COP1: variants seen among roughly 807,000 people sequenced by gnomAD.
COP1 encodes the protein E3 ubiquitin-protein ligase COP1.
A neutral mutation model predicts 101.3 loss-of-function variants in COP1; 24 were observed. The ratio of observed to expected loss-of-function variants is 0.24; its 90% CI spans 0.17 to 0.33. COP1 has a LOEUF of 0.33. COP1 is among the 10% of genes least tolerant of loss of function. The pLI is 1.00. For missense variants in COP1, 663 were observed against 906.2 expected (o/e 0.73, Z 3.45); for synonymous variants, 347 against 341.9 (o/e 1.01, Z -0.17).
chr1:176,043,841 T>C (rs1292607002), intron 12 of COP1, 23 bp from the exon 13 acceptor site: 2 of 1,282,670 alleles, frequency 1.6e-6, no homozygotes, highest in Non-Finnish European at 1.1e-6. Context: ...CAGTTAAAAG[T>C]TACTTTACAT....
At chr1:176,204,035 T>A (rs1700574199) in intron 1 of COP1, among the ~76,000 whole-genome samples, 1 of 152,176 alleles carries the variant, frequency 6.6e-6, no homozygotes, top group Non-Finnish European at 1.5e-5. Context: ...ATGAAACAGC[T>A]GCTTCTCCTC....
At chr1:175,961,361 G>A (rs1651319247) in intron 18 of COP1, among the ~76,000 whole-genome samples, 1 of 152,170 alleles carries the variant, frequency 6.6e-6, no homozygotes, top group Non-Finnish European at 1.5e-5. Flanking sequence ...TTATACAGTA[G>A]TGACTTTGGC....
At chr1:176,132,024 C>G (rs991143434) in intron 8 of COP1, among the ~76,000 whole-genome samples, 1 of 151,348 alleles carries the variant, frequency 6.6e-6, no homozygotes, top group African/African-American at 2.4e-5. Context: ...GTATGTTTTA[C>G]GAGATCTGCT....
At chr1:176,006,489 G>A (rs533438740) in intron 15 of COP1, among the ~76,000 whole-genome samples, 2 of 152,312 alleles carry the variant, frequency 1.3e-5, no homozygotes, top group East Asian at 3.9e-4. Context: ...GCTGGTATGG[G>A]TTGTTCCTTT....
chr1:175,976,388 C>T (rs895271575), intron 18 of COP1, among the ~76,000 whole-genome samples: 5 of 146,118 alleles, frequency 3.4e-5, no homozygotes, highest in Admixed American at 1.4e-4. Context: ...AGTGATTCTC[C>T]TGCCTCAGCC....
At chr1:176,199,233 C>G (rs972364496) in intron 1 of COP1, among the ~76,000 whole-genome samples, 2 of 152,152 alleles carry the variant, frequency 1.3e-5, no homozygotes, top group African/African-American at 4.8e-5. Context: ...AGGAGAATTG[C>G]TTGAACCCAG....
At chr1:175,975,371 C>T (rs903687241) in intron 18 of COP1, among the ~76,000 whole-genome samples, 1 of 152,104 alleles carries the variant, frequency 6.6e-6, no homozygotes. Context: ...AAGCCAGAAC[C>T]CACAACCATC....
intron 11 of COP1, among the ~76,000 whole-genome samples, chr1:176,052,833 C>T (rs1260795552): frequency 6.6e-6 from 1 of 152,046 alleles, no homozygotes; most frequent in Non-Finnish European, 1.5e-5. Context: ...CTGATTTGCA[C>T]TTGCTTTTCT....
chr1:176,140,982 C>T (rs1690587491), intron 6 of COP1, among the ~76,000 whole-genome samples: 1 of 152,132 alleles, frequency 6.6e-6, no homozygotes, highest in African/African-American at 2.4e-5. Context: ...CTCAGAATCC[C>T]TTACGAAGAT....
At chr1:176,193,945 T>C (rs943444767) in intron 1 of COP1, among the ~76,000 whole-genome samples, 2 of 152,216 alleles carry the variant, frequency 1.3e-5, no homozygotes, top group African/African-American at 4.8e-5. Context: ...TGTGAGAATT[T>C]CACCTCATTT....
chr1:176,007,578 T>G (rs1242067375), intron 15 of COP1, among the ~76,000 whole-genome samples: 2 of 151,786 alleles, frequency 1.3e-5, no homozygotes, highest in African/African-American at 4.8e-5. Flanking sequence ...GACCCTCAGC[T>G]GCAGGTCTGT....
intron 11 of COP1, among the ~76,000 whole-genome samples, chr1:176,055,620 C>T (rs1443279271): frequency 2.0e-5 from 3 of 152,176 alleles, no homozygotes; most frequent in Admixed American, 6.5e-5. Context: ...ACACTACTGC[C>T]TCATGTCTAG....
intron 18 of COP1, among the ~76,000 whole-genome samples, chr1:175,962,765 T>A (rs954402026): frequency 2.0e-5 from 3 of 152,182 alleles, no homozygotes; most frequent in Admixed American, 2.0e-4. Flanking sequence ...CACCTCCCCC[T>A]CCCTGGGCAC....
intron 14 of COP1, among the ~76,000 whole-genome samples, chr1:176,040,737 T>C (rs1159478267): frequency 6.6e-6 from 1 of 152,236 alleles, no homozygotes; most frequent in Non-Finnish European, 1.5e-5. Flanking sequence ...TTTTACAGAA[T>C]AGACTGTGCT....
intron 15 of COP1, among the ~76,000 whole-genome samples, chr1:176,002,459 C>G (rs1455552037): frequency 6.6e-6 from 1 of 151,654 alleles, no homozygotes; most frequent in Admixed American, 6.6e-5. Flanking sequence ...CACCCACTAA[C>G]TCGTCACCTA....
chr1:176,090,309 C>A (rs551325805), intron 9 of COP1, among the ~76,000 whole-genome samples: 1 of 152,224 alleles, frequency 6.6e-6, no homozygotes, highest in East Asian at 1.9e-4. Context: ...GTATACCAAC[C>A]ACCTTGGGCA....
chr1:176,042,791 G>A lies in COP1; in HGVS notation c.1612+395C>T, dbSNP rs181291930. ...TGTAATCCCAGCACTTTGAGAGGCC[G>A]AGGCAGCAAGGCAGATCACTTGAGG... On this transcript the variant is annotated intron_variant, in intron 14 of 19. Coordinates refer to ENST00000367669, the MANE Select transcript of COP1 (RefSeq NM_022457.7). 4.7e-4 allele frequency among the ~76,000 whole-genome samples: 69 copies of A among 146,774 alleles called. 1 individual carries two copies. The highest frequency in any genetic ancestry group is 7.7e-3 in the Middle Eastern group (2 of 260).
intron 1 of COP1, among the ~76,000 whole-genome samples, chr1:176,197,462 T>C (rs1255929201): frequency 6.6e-6 from 1 of 152,210 alleles, no homozygotes; most frequent in Non-Finnish European, 1.5e-5. Flanking sequence ...CGAATCTGCC[T>C]ACACATTGTT....
chr1:176,144,450 G>A (rs1414445643), intron 6 of COP1, among the ~76,000 whole-genome samples: 3 of 151,960 alleles, frequency 2.0e-5, no homozygotes, highest in African/African-American at 7.3e-5. Context: ...AAATATAGAG[G>A]GAAGTACCAC....
Sources: gnomAD v4.1 joint callset for allele counts (sites outside exome capture counted in the v4.1 genomes callset) on GRCh38, gnomAD v4.1.1 for gene constraint, MANE v1.5 for transcripts, NCBI Gene and HGNC (gene_info 2026-07-23, HGNC 2026-07-21) for gene names.